RAB11FIP1: variants seen among roughly 807,000 people sequenced by gnomAD.
The protein encoded by RAB11FIP1 is RAB11 family interacting protein 1.
A neutral mutation model predicts 83.1 loss-of-function variants in RAB11FIP1; 49 were observed. That is an observed-to-expected ratio of 0.59 (90% CI 0.47 to 0.75). The LOEUF is 0.75. Among genes scored for constraint, RAB11FIP1 ranks in the 30% least tolerant of loss-of-function variants. The pLI is 0.00. For synonymous variants in RAB11FIP1, 670 were observed against 656.0 expected, an observed-to-expected ratio of 1.02 and a Z score of -0.33; for missense variants, 1,536 against 1,598.7, an observed-to-expected ratio of 0.96 and a Z score of 0.67.
chr8:37,890,933 C>T (rs1806936795), intron 1 of RAB11FIP1, among the ~76,000 whole-genome samples: 1 of 152,214 alleles, frequency 6.6e-6, no homozygotes, highest in Admixed American at 6.5e-5. Flanking sequence ...CACGTTCACC[C>T]AGGCAATCTA....
chr8:37,875,412 T>C (rs1806587788), intron 2 of RAB11FIP1, 90 bp from the exon 3 acceptor site: 8 of 964,876 alleles, frequency 8.3e-6, no homozygotes, highest in Non-Finnish European at 1.3e-5. Flanking sequence ...GATACATTTC[T>C]GGTTGCCACA....
intron 5 of RAB11FIP1, 90 bp from the exon 6 acceptor site, chr8:37,863,203 T>A: frequency 1.0e-6 from 1 of 964,668 alleles, no homozygotes; most frequent in Middle Eastern, 3.3e-4. Context: ...GAGGAAAAAG[T>A]GACTAGTGAT....
At chr8:37,895,380 G>C (rs1299718109) in intron 1 of RAB11FIP1, among the ~76,000 whole-genome samples, 2 of 138,910 alleles carry the variant, frequency 1.4e-5, no homozygotes, top group Non-Finnish European at 3.0e-5. Flanking sequence ...CAAAGTGCTA[G>C]GATTACAGGT....
chr8:37,898,737 G>A (rs1383204595), intron 1 of RAB11FIP1, among the ~76,000 whole-genome samples: 1 of 150,030 alleles, frequency 6.7e-6, no homozygotes, highest in Admixed American at 6.6e-5. Flanking sequence ...GGAGAATCAC[G>A]TGAACCTGCG....
In RAB11FIP1 at chr8:37,870,458, T is replaced by G; in HGVS notation, c.3595A>C (p.Ile1199Leu). 6 of 1,611,230 alleles carry G rather than the reference T, an allele frequency of 3.7e-6. No individual in the cohort carries two copies. Among genetic ancestry groups the G allele is most frequent in the Non-Finnish European group, 5.1e-6 (6 of 1,177,500 alleles). Residue 1199 changes from isoleucine to leucine, a missense_variant, in exon 5 of 6, where the codon ATC becomes CTC. Physicochemically the swap from Ile to Leu is conservative, Grantham distance 5. Transcript: ENST00000330843. ...VANCSLGTAT[I>L]ISENLNNEVM... ...TCATTGTTCAAGTTCTCACTGATGA[T>G]GGTGGCAGTTCCCAAGCTGCAGTTA...
chr8:37,879,561 T>C (rs545646030), intron 1 of RAB11FIP1, among the ~76,000 whole-genome samples: 18 of 152,222 alleles, frequency 1.2e-4, no homozygotes, highest in Admixed American at 3.3e-4. Context: ...TGAATATTCT[T>C]AATGACATTG....
chr8:37,877,290 C>T lies in RAB11FIP1; in HGVS notation c.633G>A (p.Lys211=), dbSNP rs770620445. The T allele has an allele frequency of 6.2e-7, 1 of 1,614,186 alleles. No homozygotes were observed. Among genetic ancestry groups the T allele is most frequent in the East Asian group, 2.2e-5 (1 of 44,882 alleles). ...DSDDESVVKD[K]KKKSKIKTLL... Reference sequence around the variant, plus strand: ...AGGTCTTGATCTTTGATTTCTTTTTCTTGTCTTTAACCACAGACTCATCAT... The same window carrying T: ...AGGTCTTGATCTTTGATTTCTTTTTTTTGTCTTTAACCACAGACTCATCAT... Residue 211 remains lysine (K), a synonymous_variant, in exon 2 of 6, where the codon AAG becomes AAA. Coordinates refer to ENST00000330843, the MANE Select transcript of RAB11FIP1 (RefSeq NM_001002814.3).
rs1310942803 is a variant in RAB11FIP1 at position 37,877,075 on chromosome 8, AAG to A, written c.814+32_814+33del. 2.0e-6 allele frequency: 3 copies of A among 1,474,534 alleles called. No homozygotes were observed. In the African/African-American group the frequency reaches 4.2e-5, roughly 21 times the overall value. The allele number at this position is 1,474,534 out of a possible 1,614,324, so 91.3% of individuals were successfully genotyped here. On this transcript the variant is annotated intron_variant, in intron 2 of 5. Transcript: ENST00000330843. The stretch of plus-strand genomic sequence containing the variant: ...CAGAACGAAGCATGGTAAGAGGAAG[AAG>A]AGAGGTCAAGCAGGAAGAGGCAGAA...
rs556618245 is a variant in RAB11FIP1 at position 37,859,423 on chromosome 8, G to T, written c.*3472C>A. On this transcript the variant is annotated 3_prime_UTR_variant, in exon 6 of 6. Coordinates refer to ENST00000330843, the MANE Select transcript of RAB11FIP1 (RefSeq NM_001002814.3). Reference sequence around the variant, plus strand: ...CACATGCCTGTGTCTTCTTCATACCGGCATGTGCACACACACCTGTATCTC... The same window carrying T: ...CACATGCCTGTGTCTTCTTCATACCTGCATGTGCACACACACCTGTATCTC... 1 of 152,078 alleles carries T rather than the reference G, an allele frequency of 6.6e-6. No homozygotes were observed. The highest frequency in any genetic ancestry group is 1.5e-5 in the Non-Finnish European group (1 of 68,032). 9.4% of individuals were successfully genotyped at this position (152,078 alleles called of 1,614,324 possible).
chr8:37,873,762 T>G (rs1806535889), intron 3 of RAB11FIP1, among the ~76,000 whole-genome samples: 1 of 152,162 alleles, frequency 6.6e-6, no homozygotes, highest in Non-Finnish European at 1.5e-5. Context: ...CCCGAGCATT[T>G]GATTATTACA....
At chr8:37,881,875 G>C (rs1447193552) in intron 1 of RAB11FIP1, among the ~76,000 whole-genome samples, 1 of 152,054 alleles carries the variant, frequency 6.6e-6, no homozygotes, top group Non-Finnish European at 1.5e-5. Context: ...CCAGGGCCTG[G>C]CCTGGAATTG....
chr8:37,899,398 C>T lies in RAB11FIP1; in HGVS notation c.44G>A (p.Trp15Ter). The T allele has an allele frequency of 1.3e-6, 2 of 1,594,278 alleles. No individual in the cohort carries two copies. The highest frequency in any genetic ancestry group is 1.7e-6 in the Non-Finnish European group (2 of 1,171,858). The change falls in exon 1 of 6, where the codon TGG (tryptophan) becomes TAG (stop). Residue 15 changes from tryptophan to a stop codon, truncating the protein, a stop_gained. Transcript: ENST00000330843. LOFTEE classifies it high-confidence loss of function. The surrounding 1 kb of genome is among the most constrained non-coding windows in gnomAD (Gnocchi z 4.5). Reference sequence around the variant, plus strand: ...CGTCACCTGCACGTGGGTTGGGGACCACACGGCCCCCAGGCCCCGGCCAGC... The same window carrying T: ...CGTCACCTGCACGTGGGTTGGGGACTACACGGCCCCCAGGCCCCGGCCAGC... ...VSAGRGLGAV[W>*]SPTHVQVTVL... is the part of the protein sequence containing the mutation.
chr8:37,883,238 G>A lies in RAB11FIP1; in HGVS notation c.372-5687C>T, dbSNP rs138069666. 1.7e-3 allele frequency among the ~76,000 whole-genome samples: 258 copies of A among 150,088 alleles called. 13 individuals are homozygous for A. The East Asian group carries it at 0.045, about 26-fold the overall frequency. On this transcript the variant is annotated intron_variant, in intron 1 of 5. Coordinates refer to ENST00000330843, the MANE Select transcript of RAB11FIP1 (RefSeq NM_001002814.3). ...TTTAGAGACTGAGTCTCACTCTATC[G>A]CCCAGGCTGGAGTGCAGTGACGTGA...
chr8:37,870,229 C>T (rs1806423618), intron 5 of RAB11FIP1, among the ~76,000 whole-genome samples, 191 bp downstream of exon 5: 1 of 151,830 alleles, frequency 6.6e-6, no homozygotes, highest in South Asian at 2.1e-4. Flanking sequence ...AATAACTAAA[C>T]AAGTATAAGG....
In RAB11FIP1 at chr8:37,860,675, A is replaced by G. The variant is rs1444625577; in HGVS notation, c.*2220T>C. The G allele has an allele frequency of 6.5e-6, 1 of 152,674 alleles. No homozygotes were observed. 9.5% of individuals were successfully genotyped at this position (152,674 alleles called of 1,614,324 possible). On this transcript the variant is annotated 3_prime_UTR_variant, in exon 6 of 6. Transcript: ENST00000330843. ...CATGTACATTTTCAGAGTTCAAGTG[A>G]ACATACAGTTTTCTTTATAAGTATG... is the stretch of plus-strand genomic sequence containing the variant.
chr8:37,869,141 T>C (rs1806397982), intron 5 of RAB11FIP1, among the ~76,000 whole-genome samples: 1 of 149,598 alleles, frequency 6.7e-6, no homozygotes, highest in Non-Finnish European at 1.5e-5. Flanking sequence ...GGTGAGAGGA[T>C]TGATTGGGCC....
At chr8:37,881,106 C>A (rs1403892167) in intron 1 of RAB11FIP1, among the ~76,000 whole-genome samples, 1 of 152,216 alleles carries the variant, frequency 6.6e-6, no homozygotes, top group African/African-American at 2.4e-5. Context: ...CTAAACAGCA[C>A]CTGTGGCATA....
rs1346221847 is a variant in RAB11FIP1 at position 37,871,825 on chromosome 8, T to C, written c.2977A>G (p.Thr993Ala). 6.2e-7 allele frequency: 1 copy of C among 1,614,014 alleles called. No individual in the cohort carries two copies. The highest frequency in any genetic ancestry group is 2.2e-5 in the East Asian group (1 of 44,880). Residue 993 changes from threonine (T) to alanine (A), a missense_variant, in exon 4 of 6, where the codon ACT becomes GCT. Coordinates refer to ENST00000330843, the MANE Select transcript of RAB11FIP1 (RefSeq NM_001002814.3). ...AAGGACAAAGCTCCTATGTCCAGAG[T>C]TGACGACTTTGCTGTCTCTCCATCA... ...EDDGETAKSSTLDIGALSLGL... is the reference protein window; with the variant it reads ...EDDGETAKSSALDIGALSLGL...
rs779851613 is a variant in RAB11FIP1 at position 37,899,052 on chromosome 8, C to A, written c.371+19G>T. ...TCCGCGCCCCCAGGCCGGGCCCTCC[C>A]CTCCCCGCCCGCACTCACTGCGTCT... On this transcript the variant is annotated intron_variant, in intron 1 of 5. Coordinates refer to ENST00000330843, the MANE Select transcript of RAB11FIP1 (RefSeq NM_001002814.3). This position sits in a 1 kb window ranked among gnomAD's most constrained non-coding sequence, Gnocchi z 4.5. The A allele has an allele frequency of 5.5e-6, 8 of 1,460,330 alleles. No homozygotes were observed. The Admixed American group carries it at 1.2e-4, about 23-fold the overall frequency. The allele number at this position is 1,460,330 out of a possible 1,614,324, so 90.5% of individuals were successfully genotyped here.
Sources: gnomAD v4.1 joint callset for allele counts (sites outside exome capture counted in the v4.1 genomes callset) on GRCh38, gnomAD v4.1.1 for gene constraint, Gnocchi (gnomAD v3.1) non-coding constraint, MANE v1.5 for transcripts, NCBI Gene and HGNC (gene_info 2026-07-23, HGNC 2026-07-21) for gene names.